The following RASSF8 variants were observed in gnomAD, a reference collection of about 807,000 sequenced individuals.
RASSF8 encodes the protein ras association domain-containing protein 8.
RASSF8 carries 22 observed loss-of-function variants against 48.5 expected under a neutral mutation model. That is an observed-to-expected ratio of 0.45 (90% CI 0.32 to 0.65). The LOEUF (loss-of-function observed/expected upper bound fraction) is 0.65, where lower values mean the gene tolerates loss of function less well. Among genes scored for constraint, RASSF8 ranks in the 30% least tolerant of loss-of-function variants. RASSF8 has a pLI of 0.03. For missense variants in RASSF8, 418 were observed against 489.2 expected (o/e 0.85, Z 1.37); for synonymous variants, 127 against 171.5 (o/e 0.74, Z 2.03).
intron 2 of RASSF8, among the ~76,000 whole-genome samples, chr12:26,031,939 TGTTA>T (rs1397067015): frequency 6.6e-6 from 1 of 152,208 alleles, no homozygotes; most frequent in Non-Finnish European, 1.5e-5. Flanking sequence ...CTCATCATCA[TGTTA>T]GTTACTTTGA....
At chr12:26,027,686 A>C (rs1457271337) in intron 2 of RASSF8, among the ~76,000 whole-genome samples, 1 of 152,252 alleles carries the variant, frequency 6.6e-6, no homozygotes, top group Non-Finnish European at 1.5e-5. Context: ...ACTAATCATT[A>C]AGCCATTGAT....
chr12:26,075,652 G>T (rs145305963), downstream of RASSF8, among the ~76,000 whole-genome samples: 1 of 152,202 alleles, frequency 6.6e-6, no homozygotes, highest in African/African-American at 2.4e-5. Context: ...TACAAATTCC[G>T]TGTACACAAA....
intron 2 of RASSF8, among the ~76,000 whole-genome samples, chr12:26,045,371 C>T (rs2137181180): frequency 6.6e-6 from 1 of 152,212 alleles, no homozygotes; most frequent in East Asian, 1.9e-4. Flanking sequence ...ACATTGAAGT[C>T]CAATAGAAGT....
At chr12:25,983,830 A>AT (rs1285156031) in intron 1 of RASSF8, among the ~76,000 whole-genome samples, 1 of 152,222 alleles carries the variant, frequency 6.6e-6, no homozygotes, top group African/African-American at 2.4e-5. Context: ...TGTAGACACC[A>AT]TGCAGTCAGT....
At chr12:26,055,210 A>G in intron 2 of RASSF8, 26 bp from the exon 3 acceptor site, 2 of 676,612 alleles carry the variant, frequency 3.0e-6, no homozygotes, top group Non-Finnish European at 5.4e-6. Flanking sequence ...TCATTTTATT[A>G]CAAGTGATTT....
At chr12:26,016,819 A>T (rs1173440361) in intron 2 of RASSF8, among the ~76,000 whole-genome samples, 1 of 152,072 alleles carries the variant, frequency 6.6e-6, no homozygotes, top group East Asian at 1.9e-4. Flanking sequence ...GTGATTTTCT[A>T]CTCACATTAA....
At chr12:25,986,303 GT>G (rs1309849844) in intron 1 of RASSF8, among the ~76,000 whole-genome samples, 1 of 152,184 alleles carries the variant, frequency 6.6e-6, no homozygotes, top group African/African-American at 2.4e-5. Flanking sequence ...CACACCAGGT[GT>G]ACTTATTCCC....
At chr12:25,985,617 G>C (rs1482323679) in intron 1 of RASSF8, among the ~76,000 whole-genome samples, 1 of 152,244 alleles carries the variant, frequency 6.6e-6, no homozygotes, top group Non-Finnish European at 1.5e-5. Context: ...AATGTGGCAA[G>C]TGTTGTTAGG....
At position 26,079,275 on chromosome 12, in the gene RASSF8, A is replaced by T. The variant is rs565634914; in HGVS notation, c.*202A>T. 3.0e-5 allele frequency: 13 copies of T among 432,274 alleles called. No individual in the cohort carries two copies. The South Asian group carries it at 5.6e-4, about 19-fold the overall frequency. The allele number at this position is 432,274 out of a possible 1,614,324, so 26.8% of individuals were successfully genotyped here. On this transcript the variant is annotated 3_prime_UTR_variant, in exon 6 of 6. Transcript: ENST00000381352. ...GGAACTCACAGAACTTAAAGAAAACAAATAATCCAATTAAAAATGGTCAAA... is the reference window on the plus strand; with the variant it reads ...GGAACTCACAGAACTTAAAGAAAACTAATAATCCAATTAAAAATGGTCAAA...
chr12:26,059,819 C>G (rs1943699413), intron 3 of RASSF8, among the ~76,000 whole-genome samples: 1 of 152,162 alleles, frequency 6.6e-6, no homozygotes, highest in Admixed American at 6.6e-5. Flanking sequence ...CCAAAATCTT[C>G]TGGTTTGTAG....
chr12:26,037,403 T>C (rs772065341), intron 2 of RASSF8, among the ~76,000 whole-genome samples: 9 of 152,204 alleles, frequency 5.9e-5, no homozygotes, highest in Non-Finnish European at 1.0e-4. Context: ...AGTTTAAATT[T>C]TCTTACAAGG....
At chr12:26,074,965 A>G (rs1315440455), downstream of RASSF8, among the ~76,000 whole-genome samples, 1 of 152,172 alleles carries the variant, frequency 6.6e-6, no homozygotes, top group Non-Finnish European at 1.5e-5. Context: ...AATGATTAGC[A>G]TGTTAGGAAG....
chr12:26,035,259 C>T (rs765399525), intron 2 of RASSF8, among the ~76,000 whole-genome samples: 7 of 151,438 alleles, frequency 4.6e-5, no homozygotes, highest in Admixed American at 1.3e-4. Context: ...AATGCTACTT[C>T]GGCTAGAAAC....
intron 2 of RASSF8, among the ~76,000 whole-genome samples, chr12:26,013,405 T>G (rs1285676988): frequency 2.0e-5 from 3 of 152,194 alleles, no homozygotes; most frequent in Non-Finnish European, 2.9e-5. Flanking sequence ...TGAGCCTCCA[T>G]GAGCTTAAGG....
At chr12:26,013,027 C>G (rs1166415486) in intron 2 of RASSF8, among the ~76,000 whole-genome samples, 1 of 152,102 alleles carries the variant, frequency 6.6e-6, no homozygotes. Context: ...TTGCTCTGTT[C>G]CTACATTCAA....
At chr12:26,044,421 C>T (rs1314206469) in intron 2 of RASSF8, among the ~76,000 whole-genome samples, 1 of 152,156 alleles carries the variant, frequency 6.6e-6, no homozygotes, top group Non-Finnish European at 1.5e-5. Context: ...GTTTTTCCCT[C>T]CTTAAGCATG....
chr12:26,061,181 T>C (rs1207114163), intron 3 of RASSF8, among the ~76,000 whole-genome samples: 1 of 152,150 alleles, frequency 6.6e-6, no homozygotes, highest in Non-Finnish European at 1.5e-5. Flanking sequence ...TTATAAAAAT[T>C]GTTGGAGTAT....
At chr12:26,002,121 A>T (rs991730850) in intron 2 of RASSF8, among the ~76,000 whole-genome samples, 10 of 152,258 alleles carry the variant, frequency 6.6e-5, no homozygotes, top group Admixed American at 5.9e-4. Context: ...ATGACATAGT[A>T]TATAATTACA....
chr12:25,959,195 G>T (rs1941163640), intron 1 of RASSF8, 47 bp downstream of exon 1: 1 of 152,248 alleles, frequency 6.6e-6, no homozygotes, highest in Admixed American at 6.5e-5. Context: ...CTGCGCCGGG[G>T]ACCCCGCCCG....
Sources: allele counts gnomAD v4.1 joint callset (sites outside exome capture counted in the v4.1 genomes callset), GRCh38; gene constraint gnomAD v4.1.1; transcripts MANE v1.5; gene names NCBI Gene and HGNC (gene_info 2026-07-23, HGNC 2026-07-21).